Variants in CDC42 observed in about 807,000 individuals in gnomAD.
The protein encoded by CDC42 is cell division cycle 42.
Under a neutral mutation model 20.8 loss-of-function variants are expected in CDC42, and 1 was observed. The ratio of observed to expected loss-of-function variants is 0.05; its 90% CI spans 0.02 to 0.23. The LOEUF (loss-of-function observed/expected upper bound fraction) is 0.23, where lower values mean the gene tolerates loss of function less well. Among genes scored for constraint, CDC42 ranks in the 10% least tolerant of loss-of-function variants. CDC42 has a pLI of 1.00. For missense variants in CDC42, 49 were observed against 227.9 expected (o/e 0.21, Z 5.05); for synonymous variants, 72 against 84.8 (o/e 0.85, Z 0.83).
intron 1 of CDC42, among the ~76,000 whole-genome samples, chr1:22,054,905 AT>A (rs1645279620): frequency 8.3e-5 from 1 of 12,112 alleles, no homozygotes; most frequent in Non-Finnish European, 2.0e-4. Context: ...ATATATATAT[AT>A]ATATATATAT....
chr1:22,087,556 C>G (rs554724482), intron 5 of CDC42, among the ~76,000 whole-genome samples: 1 of 152,232 alleles, frequency 6.6e-6, no homozygotes, highest in African/African-American at 2.4e-5. Context: ...AACTTTTTCA[C>G]CTTCATGATA....
chr1:22,089,895 A>T (rs1490534642), intron 5 of CDC42: 2 of 1,591,822 alleles, frequency 1.3e-6, no homozygotes, highest in East Asian at 4.5e-5. Flanking sequence ...TAGTCTTTCT[A>T]ATCCTCTAAC....
chr1:22,087,172 T>C lies in CDC42; in HGVS notation c.486+306T>C, dbSNP rs565394347. 3.9e-5 allele frequency among the ~76,000 whole-genome samples: 6 copies of C among 152,242 alleles called. No homozygotes were observed. The South Asian group carries it at 1.2e-3, about 32-fold the overall frequency. On this transcript the variant is annotated intron_variant, in intron 5 of 5. Coordinates refer to ENST00000656825, the MANE Select transcript of CDC42 (RefSeq NM_001791.4). ...ATAAGCATAAACTTGCAAGAGACGA[T>C]GTGAATGATTTTTTTTTTTTCTAAA...
chr1:22,077,354 T>A (rs552583034), intron 1 of CDC42, among the ~76,000 whole-genome samples: 1 of 152,326 alleles, frequency 6.6e-6, no homozygotes, highest in South Asian at 2.1e-4. Context: ...TAGGTTCATT[T>A]ACAGGGATGT....
Position 22,097,335 on chromosome 1 carries a change from C to T in CDC42, c.*5818C>T, listed in dbSNP as rs1197130296. 2.0e-5 allele frequency among the ~76,000 whole-genome samples: 3 copies of T among 152,318 alleles called. No individual in the cohort carries two copies. Among genetic ancestry groups the T allele is most frequent in the Non-Finnish European group, 4.4e-5 (3 of 68,026 alleles). On this transcript the variant is annotated 3_prime_UTR_variant, in exon 6 of 6. Transcript: ENST00000656825. The stretch of plus-strand genomic sequence containing the variant: ...GCAGTGGCGTGATCTCGGCTTGCTG[C>T]AATCTCTGCAATTCTCATGCCTCAG...
chr1:22,055,154 G>A (rs936473994), intron 1 of CDC42, among the ~76,000 whole-genome samples: 2 of 150,244 alleles, frequency 1.3e-5, no homozygotes, highest in Admixed American at 6.6e-5. Context: ...GGGGTTTCAC[G>A]GTGTTAGCCA....
intron 2 of CDC42, among the ~76,000 whole-genome samples, chr1:22,079,413 A>C (rs1476223932): frequency 6.6e-6 from 1 of 152,112 alleles, no homozygotes; most frequent in Non-Finnish European, 1.5e-5. Flanking sequence ...TGCTGGGATT[A>C]CAGGCGTGAG....
At position 22,092,943 on chromosome 1, in the gene CDC42, A is replaced by G. The variant is rs1645731906; in HGVS notation, c.*1426A>G. 6.6e-6 allele frequency: 1 copy of G among 152,578 alleles called. No homozygotes were observed. The highest frequency in any genetic ancestry group is 6.5e-5 in the Admixed American group (1 of 15,274). 9.5% of individuals were successfully genotyped at this position (152,578 alleles called of 1,614,324 possible). A position where few individuals can be genotyped will look rare whatever the true frequency, so the allele number is the denominator to read the frequency against. The stretch of plus-strand genomic sequence containing the variant: ...TGTATTAAACAAACAAAAACCCTTC[A>G]CAAGCCAGCCTGAGGGTTGTTATTT... On this transcript the variant is annotated 3_prime_UTR_variant, in exon 6 of 6. Transcript: ENST00000656825.
In CDC42 at chr1:22,100,216, C is replaced by T. The variant is rs1357555072; in HGVS notation, c.*8699C>T. Among the ~76,000 whole-genome samples the T allele has an allele frequency of 2.0e-5, 3 of 152,032 alleles. No homozygotes were observed. The highest frequency in any genetic ancestry group is 1.5e-5 in the Non-Finnish European group (1 of 68,012). On this transcript the variant is annotated 3_prime_UTR_variant, in exon 6 of 6. Coordinates refer to ENST00000656825, the MANE Select transcript of CDC42 (RefSeq NM_001791.4). Reference sequence around the variant, plus strand: ...ATGACTGGGGCTCTGCCTTCATCTTCTCTGCAAACGGTCAGGGATACTCAT... The same window carrying T: ...ATGACTGGGGCTCTGCCTTCATCTTTTCTGCAAACGGTCAGGGATACTCAT...
intron 5 of CDC42, 74 bp from the exon 6 acceptor site, chr1:22,091,354 T>A: frequency 1.1e-6 from 1 of 894,230 alleles, no homozygotes; most frequent in South Asian, 1.5e-5. Flanking sequence ...GGGGTTTGAA[T>A]GTTTTAAATT....
chr1:22,085,385 A>G (rs1376923561), intron 3 of CDC42, among the ~76,000 whole-genome samples: 1 of 152,134 alleles, frequency 6.6e-6, no homozygotes, highest in African/African-American at 2.4e-5. Flanking sequence ...AAATCAGGAA[A>G]TGGGAGTGCT....
chr1:22,071,933 G>A (rs1159487890), intron 1 of CDC42, among the ~76,000 whole-genome samples: 1 of 152,068 alleles, frequency 6.6e-6, no homozygotes, highest in Non-Finnish European at 1.5e-5. Context: ...CTCAGTCTTG[G>A]AAGACTGCCC....
intron 1 of CDC42, among the ~76,000 whole-genome samples, chr1:22,076,187 C>T (rs904878564): frequency 1.3e-5 from 2 of 151,696 alleles, no homozygotes; most frequent in African/African-American, 4.8e-5. Context: ...AGGTTGGGCA[C>T]GGTGGCTCAC....
chr1:22,096,287 A>G lies in CDC42; in HGVS notation c.*4770A>G, dbSNP rs2124065737. ...TCATTCATTCTTACAGTGAATTAGT[A>G]AATTCAACAAATAGGTTTTTTTAAA... On this transcript the variant is annotated 3_prime_UTR_variant, in exon 6 of 6. Coordinates refer to ENST00000656825, the MANE Select transcript of CDC42 (RefSeq NM_001791.4). Among the ~76,000 whole-genome samples, 1 of 66,964 alleles carries G rather than the reference A, an allele frequency of 1.5e-5. No homozygotes were observed. The highest frequency in any genetic ancestry group is 5.4e-4 in the East Asian group (1 of 1,864). 43.9% of individuals were successfully genotyped at this position (66,964 alleles called of 152,430 possible). A position where few individuals can be genotyped will look rare whatever the true frequency, so the allele number is the denominator to read the frequency against.
intron 5 of CDC42, among the ~76,000 whole-genome samples, chr1:22,088,311 C>G (rs1005926559): frequency 2.6e-5 from 4 of 152,228 alleles, no homozygotes; most frequent in Non-Finnish European, 5.9e-5. Flanking sequence ...AGGGAAGACA[C>G]ATAGGCCCTG....
At chr1:22,055,174 T>G (rs1645291205) in intron 1 of CDC42, among the ~76,000 whole-genome samples, 2 of 151,186 alleles carry the variant, frequency 1.3e-5, no homozygotes, top group African/African-American at 4.9e-5. Flanking sequence ...AGGATAGTCT[T>G]GATCTCCTGA....
intron 5 of CDC42, among the ~76,000 whole-genome samples, chr1:22,087,706 T>C (rs1332254690): frequency 6.6e-6 from 1 of 152,204 alleles, no homozygotes; most frequent in African/African-American, 2.4e-5. Context: ...TAGGGCAAGA[T>C]TGAAGGGTGG....
rs556384922 is a variant in CDC42 at position 22,093,957 on chromosome 1, G to A, written c.*2440G>A. Among the ~76,000 whole-genome samples, 4 of 152,308 alleles carry A rather than the reference G, an allele frequency of 2.6e-5. No homozygotes were observed. The highest frequency in any genetic ancestry group is 3.9e-4 in the East Asian group (2 of 5,184). On this transcript the variant is annotated 3_prime_UTR_variant, in exon 6 of 6. Transcript: ENST00000656825. The stretch of plus-strand genomic sequence containing the variant: ...ATACAGTTGTGTCAACGAATTATCC[G>A]TGTATCAGAAGAACAAGGATGATGG...
At chr1:22,065,630 G>A (rs1201447554) in intron 1 of CDC42, among the ~76,000 whole-genome samples, 2 of 152,152 alleles carry the variant, frequency 1.3e-5, no homozygotes, top group African/African-American at 4.8e-5. Flanking sequence ...TCTCTGTAGT[G>A]GTCTTGTGAA....
Sources: allele counts gnomAD v4.1 joint callset (sites outside exome capture counted in the v4.1 genomes callset), GRCh38; gene constraint gnomAD v4.1.1; transcripts MANE v1.5; gene names NCBI Gene and HGNC (gene_info 2026-07-23, HGNC 2026-07-21).